The following CHLSN variants were observed in gnomAD, a reference collection of about 807,000 sequenced individuals.
CHLSN encodes cholesin.
At chr7:1,017,925 T>C in the CHLSN span, among the ~76,000 whole-genome samples, 5 of 152,236 alleles carry the variant, frequency 3.3e-5, no homozygotes, top group African/African-American at 9.6e-5. Flanking sequence ...CCATGTTTGT[T>C]CGGTGCATTT....
At chr7:1,048,503 C>A in the CHLSN span, among the ~76,000 whole-genome samples, 1 of 152,134 alleles carries the variant, frequency 6.6e-6, no homozygotes, top group Non-Finnish European at 1.5e-5. Context: ...TCCCCACACT[C>A]AGGCCCCCTC....
chr7:1,068,910 G>C, the CHLSN span, among the ~76,000 whole-genome samples: 2 of 152,188 alleles, frequency 1.3e-5, no homozygotes, highest in African/African-American at 4.8e-5. Flanking sequence ...GGAAGACTGT[G>C]ACCCCAGAGT....
At chr7:1,093,173 C>T in the CHLSN span, 72 of 565,708 alleles carry the variant, frequency 1.3e-4, no homozygotes, top group East Asian at 6.5e-4. Flanking sequence ...ACCTGCCTGC[C>T]GCTGCAGGAA....
the CHLSN span, among the ~76,000 whole-genome samples, chr7:1,106,170 C>T: frequency 1.3e-5 from 2 of 152,244 alleles, no homozygotes; most frequent in Admixed American, 1.3e-4. Context: ...TCGAGTCCCG[C>T]ACACTGCCCG....
chr7:1,092,451 G>C, the CHLSN span: 1 of 1,608,224 alleles, frequency 6.2e-7, no homozygotes, highest in Non-Finnish European at 8.5e-7. Flanking sequence ...TCCGGGTGCT[G>C]GTCAGGGCGC....
At chr7:1,106,814 C>G in the CHLSN span, among the ~76,000 whole-genome samples, 3 of 152,350 alleles carry the variant, frequency 2.0e-5, no homozygotes, top group Middle Eastern at 3.4e-3. Context: ...TCTGCCGCCC[C>G]CTTCCCTCCG....
the CHLSN span, among the ~76,000 whole-genome samples, chr7:1,068,892 G>A: frequency 1.3e-5 from 2 of 152,300 alleles, no homozygotes; most frequent in Non-Finnish European, 2.9e-5. Flanking sequence ...ACCAATAGGT[G>A]ATGTCCGGGA....
chr7:1,057,948 C>T, the CHLSN span: 29 of 772,850 alleles, frequency 3.8e-5, no homozygotes, highest in Admixed American at 2.2e-4. Flanking sequence ...GTACAACACG[C>T]GGCACGTGTG....
chr7:1,111,257 G>A, the CHLSN span, among the ~76,000 whole-genome samples: 67 of 152,292 alleles, frequency 4.4e-4, no homozygotes, highest in African/African-American at 1.5e-3. Context: ...ATAAAATAAA[G>A]CAATCACCAG....
chr7:1,061,715 G>A, the CHLSN span, among the ~76,000 whole-genome samples: 1 of 152,112 alleles, frequency 6.6e-6, no homozygotes, highest in Non-Finnish European at 1.5e-5. Context: ...GGAGCTACTT[G>A]TAAAAAGTCA....
At chr7:1,102,744 C>T in the CHLSN span, among the ~76,000 whole-genome samples, 2 of 152,238 alleles carry the variant, frequency 1.3e-5, no homozygotes, top group East Asian at 3.8e-4. Flanking sequence ...AGGCACGGTG[C>T]CCGCCTCACC....
At chr7:1,079,723 C>T in the CHLSN span, among the ~76,000 whole-genome samples, 2 of 152,188 alleles carry the variant, frequency 1.3e-5, no homozygotes, top group African/African-American at 4.8e-5. Context: ...GCAGGGGTGA[C>T]TCCCAGATGC....
chr7:1,028,217 T>G, the CHLSN span: 1 of 1,055,860 alleles, frequency 9.5e-7, no homozygotes, highest in Non-Finnish European at 1.2e-6. Context: ...TCCCATCCCC[T>G]CCCTGCAGCC....
the CHLSN span, among the ~76,000 whole-genome samples, chr7:1,089,342 A>T: frequency 1.3e-5 from 2 of 152,194 alleles, no homozygotes; most frequent in African/African-American, 2.4e-5. Context: ...AGAGGCAGTG[A>T]TTCATCTTGT....
At chr7:1,108,402 G>T in the CHLSN span, among the ~76,000 whole-genome samples, 2 of 151,298 alleles carry the variant, frequency 1.3e-5, no homozygotes, top group South Asian at 4.2e-4. Flanking sequence ...GCGCTCTGCG[G>T]GGAAGCAGAG....
chr7:1,002,756 T>C, the CHLSN span, among the ~76,000 whole-genome samples: 1 of 70,554 alleles, frequency 1.4e-5, no homozygotes. Context: ...GGGAGTCCTG[T>C]GGGTGGGGAG....
At chr7:1,126,075 T>C in the CHLSN span, among the ~76,000 whole-genome samples, 1 of 152,078 alleles carries the variant, frequency 6.6e-6, no homozygotes, top group African/African-American at 2.4e-5. Flanking sequence ...AGAATAAAAA[T>C]GCAGGGCCTG....
At chr7:1,001,703 G>A in the CHLSN span, among the ~76,000 whole-genome samples, 1 of 126,304 alleles carries the variant, frequency 7.9e-6, no homozygotes, top group African/African-American at 3.1e-5. Context: ...TCCTGCGGGT[G>A]GGGAGTCCTG....
the CHLSN span, among the ~76,000 whole-genome samples, chr7:1,099,697 G>A: frequency 2.6e-5 from 4 of 152,350 alleles, no homozygotes; most frequent in South Asian, 8.3e-4. Flanking sequence ...CTCCTGCAGA[G>A]CTTGGTTGCC....
Sources: allele counts gnomAD v4.1 joint callset (sites outside exome capture counted in the v4.1 genomes callset), GRCh38; gene constraint gnomAD v4.1.1; transcripts MANE v1.5; gene names NCBI Gene and HGNC (gene_info 2026-07-23, HGNC 2026-07-21).